The following CRTC3 variants were observed in gnomAD, a reference collection of about 807,000 sequenced individuals.
CRTC3 encodes CREB-regulated transcription coactivator 3.
CRTC3 carries 26 observed loss-of-function variants against 74.5 expected under a neutral mutation model. The ratio of observed to expected loss-of-function variants is 0.35; its 90% CI spans 0.26 to 0.48. CRTC3 has a LOEUF of 0.48. CRTC3 is among the 20% of genes least tolerant of loss of function. CRTC3 has a pLI of 0.99. For synonymous variants in CRTC3, 377 were observed against 325.8 expected (o/e 1.16, Z -1.69); for missense variants, 760 against 787.3 (o/e 0.97, Z 0.41).
In CRTC3 at chr15:90,604,512, C is replaced by T. The variant is rs553770667; in HGVS notation, c.476+65C>T. On this transcript the variant is annotated intron_variant, in intron 5 of 14. Transcript: ENST00000268184. ...AATTTAACTGTCCTGATATTTTTTA[C>T]ATAGCATCCAGTTGCCAGAGTGTGT... 4.7e-5 allele frequency: 57 copies of T among 1,218,018 alleles called. No individual in the cohort carries two copies. The African/African-American group carries it at 8.0e-4, about 17-fold the overall frequency. The allele number at this position is 1,218,018 out of a possible 1,614,324, so 75.5% of individuals were successfully genotyped here.
At chr15:90,617,061 A>AT (rs1968512112) in intron 7 of CRTC3, among the ~76,000 whole-genome samples, 1 of 151,674 alleles carries the variant, frequency 6.6e-6, no homozygotes, top group Admixed American at 6.6e-5. Flanking sequence ...AATTGTCTAC[A>AT]TTTTACTTCC....
At chr15:90,592,352 C>T (rs1459568021) in intron 2 of CRTC3, among the ~76,000 whole-genome samples, 1 of 152,152 alleles carries the variant, frequency 6.6e-6, no homozygotes, top group East Asian at 1.9e-4. Context: ...TAAATATATA[C>T]AATTTTTCTT....
At chr15:90,535,359 G>A (rs1470672511) in intron 1 of CRTC3, among the ~76,000 whole-genome samples, 1 of 152,106 alleles carries the variant, frequency 6.6e-6, no homozygotes, top group Non-Finnish European at 1.5e-5. Context: ...TAGTGCTGCT[G>A]ACTTGGTCTG....
chr15:90,540,843 C>G (rs1288297875), intron 2 of CRTC3, among the ~76,000 whole-genome samples: 1 of 152,098 alleles, frequency 6.6e-6, no homozygotes, highest in African/African-American at 2.4e-5. Context: ...AACATGCAAT[C>G]AGCATAAAAA....
At chr15:90,626,138 C>T (rs1195156133) in intron 10 of CRTC3, 145 bp downstream of exon 10, 28 of 697,948 alleles carry the variant, frequency 4.0e-5, no homozygotes, top group Admixed American at 1.7e-4. Flanking sequence ...CCTGACCCTG[C>T]GGACATTTTT....
intron 2 of CRTC3, among the ~76,000 whole-genome samples, chr15:90,549,805 C>T (rs1054185254): frequency 1.3e-5 from 2 of 150,420 alleles, no homozygotes; most frequent in Non-Finnish European, 3.0e-5. Context: ...CAGGTTCAAG[C>T]GATTCTGCTG....
chr15:90,576,496 G>T (rs1967406842), intron 2 of CRTC3, among the ~76,000 whole-genome samples: 1 of 152,018 alleles, frequency 6.6e-6, no homozygotes, highest in African/African-American at 2.4e-5. Context: ...TCCTAGAAGA[G>T]TGTGGTCCAG....
chr15:90,598,092 T>G, intron 3 of CRTC3: 1 of 224,440 alleles, frequency 4.5e-6, no homozygotes, highest in African/African-American at 2.3e-5. Flanking sequence ...ACCAGCTACA[T>G]GGAAGGTCTC....
intron 2 of CRTC3, among the ~76,000 whole-genome samples, chr15:90,551,913 CATTACATT>C (rs1966858367): frequency 7.1e-6 from 1 of 140,770 alleles, no homozygotes; most frequent in Non-Finnish European, 1.5e-5. Flanking sequence ...CCTTACATTA[CATTACATT>C]ACACACACGC....
chr15:90,614,540 C>A, intron 7 of CRTC3, 52 bp downstream of exon 7: 2 of 1,211,548 alleles, frequency 1.7e-6, no homozygotes, highest in Non-Finnish European at 2.4e-6. Context: ...GATTAGTGGA[C>A]ATAACCTTTC....
chr15:90,531,558 GAGAA>G (rs1407928012), intron 1 of CRTC3, among the ~76,000 whole-genome samples: 2 of 152,126 alleles, frequency 1.3e-5, no homozygotes, highest in African/African-American at 4.8e-5. Context: ...TATATATAGA[GAGAA>G]AGAAGCTGAA....
chr15:90,633,524 C>A (rs1387556861), intron 11 of CRTC3, among the ~76,000 whole-genome samples: 1 of 152,158 alleles, frequency 6.6e-6, no homozygotes. Context: ...CATGGAATCC[C>A]CCTGCTCCAC....
chr15:90,639,047 C>CTTT (rs764944846), intron 13 of CRTC3, among the ~76,000 whole-genome samples: 26 of 152,174 alleles, frequency 1.7e-4, no homozygotes, highest in Admixed American at 5.2e-4. Context: ...CGGCAGGAGA[C>CTTT]TTTTGATGAC....
intron 1 of CRTC3, among the ~76,000 whole-genome samples, chr15:90,531,712 G>A (rs1279423069): frequency 2.6e-5 from 4 of 152,112 alleles, no homozygotes; most frequent in Admixed American, 2.6e-4. Context: ...GAAAAGAATG[G>A]GTGGGTGAAA....
At chr15:90,534,398 G>C (rs189234003) in intron 1 of CRTC3, among the ~76,000 whole-genome samples, 28 of 152,204 alleles carry the variant, frequency 1.8e-4, no homozygotes, top group Non-Finnish European at 3.4e-4. Context: ...GCTCGAGAAG[G>C]AAGGCTGAGC....
intron 2 of CRTC3, among the ~76,000 whole-genome samples, chr15:90,554,654 G>C (rs1262067536): frequency 6.6e-6 from 1 of 152,210 alleles, no homozygotes; most frequent in Non-Finnish European, 1.5e-5. Flanking sequence ...ACCTATTTAA[G>C]TCCAAGTCCC....
At chr15:90,625,472 C>T (rs1418778258) in intron 9 of CRTC3, among the ~76,000 whole-genome samples, 1 of 152,118 alleles carries the variant, frequency 6.6e-6, no homozygotes, top group African/African-American at 2.4e-5. Context: ...ATAGCAGTGC[C>T]TCACATTTTA....
intron 2 of CRTC3, among the ~76,000 whole-genome samples, chr15:90,577,499 A>C (rs1187434268): frequency 1.3e-5 from 2 of 152,228 alleles, no homozygotes; most frequent in Admixed American, 1.3e-4. Context: ...TTAGAAATTT[A>C]GTTGAAGATT....
At chr15:90,640,035 C>A (rs1969383827) in intron 13 of CRTC3, among the ~76,000 whole-genome samples, 1 of 151,794 alleles carries the variant, frequency 6.6e-6, no homozygotes, top group Non-Finnish European at 1.5e-5. Flanking sequence ...GACAACAAAG[C>A]AAGACTCTGT....
Sources: allele counts gnomAD v4.1 joint callset (sites outside exome capture counted in the v4.1 genomes callset), GRCh38; gene constraint gnomAD v4.1.1; transcripts MANE v1.5; gene names NCBI Gene and HGNC (gene_info 2026-07-23, HGNC 2026-07-21).